Variants in ZNF804B observed in about 807,000 individuals in gnomAD.
ZNF804B encodes the protein zinc finger 804B.
In ZNF804B, 80 loss-of-function variants were observed where a neutral mutation model predicts 101.4. The observed-to-expected ratio is 0.79, with a 90% CI of 0.66 to 0.95. ZNF804B has a LOEUF of 0.95. ZNF804B is among the 40% of genes least tolerant of loss of function. The pLI is 0.00. For synonymous variants in ZNF804B, 622 were observed against 558.8 expected, an observed-to-expected ratio of 1.11 and a Z score of -1.59; for missense variants, 1,673 against 1,561.9, an observed-to-expected ratio of 1.07 and a Z score of -1.20.
Position 89,093,678 on chromosome 7 carries a change from A to G in ZNF804B, c.109-124477A>G, listed in dbSNP as rs974530377. ...AAACTCGACTCTGTCTTTGGCCAAG[A>G]AAACGTTCAATCTGCAGACTTCTAT... On this transcript the variant is annotated intron_variant, in intron 1 of 3. Transcript: ENST00000333190. Among the ~76,000 whole-genome samples, 7 of 152,372 alleles carry G rather than the reference A, an allele frequency of 4.6e-5. 1 individual carries two copies. In the South Asian group the frequency reaches 1.4e-3, roughly 32 times the overall value.
intron 1 of ZNF804B, among the ~76,000 whole-genome samples, chr7:88,853,487 C>T (rs1791474931): frequency 6.6e-6 from 1 of 152,054 alleles, no homozygotes; most frequent in Non-Finnish European, 1.5e-5. Flanking sequence ...ATGCCAGTTT[C>T]AAAGAAGTGG....
intron 1 of ZNF804B, among the ~76,000 whole-genome samples, chr7:88,843,069 T>C (rs1179542821): frequency 1.3e-5 from 2 of 152,198 alleles, no homozygotes; most frequent in South Asian, 2.1e-4. Context: ...GATTCTTCAG[T>C]AGAAGGACTG....
At chr7:88,798,320 TAA>T (rs1431738820) in intron 1 of ZNF804B, among the ~76,000 whole-genome samples, 1 of 152,100 alleles carries the variant, frequency 6.6e-6, no homozygotes, top group Non-Finnish European at 1.5e-5. Context: ...TTCATCATGA[TAA>T]ACATATAAAC....
At chr7:88,941,700 A>G (rs541534953) in intron 1 of ZNF804B, among the ~76,000 whole-genome samples, 2 of 151,990 alleles carry the variant, frequency 1.3e-5, no homozygotes, top group Non-Finnish European at 2.9e-5. Flanking sequence ...GTCATTATAC[A>G]TTCGTCAAAA....
chr7:89,295,007 C>A (rs1790358877), intron 2 of ZNF804B, among the ~76,000 whole-genome samples: 1 of 152,094 alleles, frequency 6.6e-6, no homozygotes, highest in South Asian at 2.1e-4. Flanking sequence ...TACTAGTTTT[C>A]CTCAACTGCT....
At chr7:88,853,446 A>G (rs1751752021) in intron 1 of ZNF804B, among the ~76,000 whole-genome samples, 1 of 152,150 alleles carries the variant, frequency 6.6e-6, no homozygotes, top group Non-Finnish European at 1.5e-5. Context: ...AGTTCTTGGT[A>G]AAGTTAGAAT....
chr7:89,206,224 G>A lies in ZNF804B; in HGVS notation c.109-11931G>A, dbSNP rs188425304. Among the ~76,000 whole-genome samples the A allele has an allele frequency of 1.4e-3, 218 of 152,292 alleles. 1 individual carries two copies. The highest frequency in any genetic ancestry group is 5.0e-3 in the African/African-American group (209 of 41,560). ...TAGGTCTTTGGGCCTGTGATGAGAGGGGCTGCCATGAAGGTATCTGACATG... is the reference window on the plus strand; with the variant it reads ...TAGGTCTTTGGGCCTGTGATGAGAGAGGCTGCCATGAAGGTATCTGACATG... On this transcript the variant is annotated intron_variant, in intron 1 of 3. Coordinates refer to ENST00000333190, the MANE Select transcript of ZNF804B (RefSeq NM_181646.5).
chr7:89,271,887 T>C (rs139895059), intron 2 of ZNF804B, among the ~76,000 whole-genome samples: 5,569 of 152,166 alleles, frequency 0.037, 309 homozygotes, highest in African/African-American at 0.13. Context: ...CTAATGGTAG[T>C]TTGTATTTCT....
At chr7:89,278,596 A>G (rs1790027780) in intron 2 of ZNF804B, among the ~76,000 whole-genome samples, 1 of 152,074 alleles carries the variant, frequency 6.6e-6, no homozygotes, top group Admixed American at 6.6e-5. Context: ...AGCACCATTT[A>G]TTAAATAAGG....
chr7:88,820,567 G>A (rs1790961705), intron 1 of ZNF804B, among the ~76,000 whole-genome samples: 1 of 152,168 alleles, frequency 6.6e-6, no homozygotes, highest in African/African-American at 2.4e-5. Context: ...CAGTTGTTAA[G>A]TCACTTGAAG....
At chr7:89,152,182 A>G (rs1790887697) in intron 1 of ZNF804B, among the ~76,000 whole-genome samples, 1 of 151,994 alleles carries the variant, frequency 6.6e-6, no homozygotes, top group Admixed American at 6.6e-5. Flanking sequence ...AAGTGAGATA[A>G]GAGAGCTAAG....
intron 1 of ZNF804B, among the ~76,000 whole-genome samples, chr7:88,942,405 A>G (rs1050676700): frequency 6.6e-6 from 1 of 151,914 alleles, no homozygotes; most frequent in African/African-American, 2.4e-5. Flanking sequence ...AGTTGACTTT[A>G]TATGTATAAA....
At chr7:89,166,612 A>G (rs1296971360) in intron 1 of ZNF804B, among the ~76,000 whole-genome samples, 1 of 152,196 alleles carries the variant, frequency 6.6e-6, no homozygotes, top group Non-Finnish European at 1.5e-5. Flanking sequence ...TAATATCATG[A>G]CTTTTCTCTG....
Position 89,275,226 on chromosome 7 carries a change from C to T in ZNF804B, c.250-52118C>T, listed in dbSNP as rs1204878746. Among the ~76,000 whole-genome samples, 6 of 151,952 alleles carry T rather than the reference C, an allele frequency of 3.9e-5. No homozygotes were observed. In the South Asian group the frequency reaches 1.0e-3, roughly 26 times the overall value. Reference sequence around the variant, plus strand: ...CATCTTCTCTTTTTCTTTCTCATTACACATGAAATCAGGAAAACATGTTTC... The same window carrying T: ...CATCTTCTCTTTTTCTTTCTCATTATACATGAAATCAGGAAAACATGTTTC... On this transcript the variant is annotated intron_variant, in intron 2 of 3. Coordinates refer to ENST00000333190, the MANE Select transcript of ZNF804B (RefSeq NM_181646.5).
chr7:88,791,758 T>C (rs958542695), intron 1 of ZNF804B, among the ~76,000 whole-genome samples: 5 of 152,124 alleles, frequency 3.3e-5, no homozygotes, highest in African/African-American at 1.2e-4. Flanking sequence ...TATACACGTA[T>C]ATATTATTTT....
At position 88,854,390 on chromosome 7, in the gene ZNF804B, TCTTTCTTTCTTTCTTTCTTTCTTC is replaced by T. The variant is rs1295263459; in HGVS notation, c.108+94330_108+94353del. 1.2e-4 allele frequency among the ~76,000 whole-genome samples: 17 copies of T among 140,172 alleles called. 1 individual carries two copies. The highest frequency in any genetic ancestry group is 3.4e-4 in the African/African-American group (12 of 34,872). The allele number at this position is 140,172 out of a possible 152,430, so 92.0% of individuals were successfully genotyped here. ...TGCATTTTTCTTTCTGTACTGCATT[TCTTTCTTTCTTTCTTTCTTTCTTC>T]CTTTCTTTCTTTCTTTCTTTCTTTC... On this transcript the variant is annotated intron_variant, in intron 1 of 3. Transcript: ENST00000333190.
chr7:88,909,933 T>C (rs1222197269), intron 1 of ZNF804B, among the ~76,000 whole-genome samples: 1 of 151,898 alleles, frequency 6.6e-6, no homozygotes, highest in Non-Finnish European at 1.5e-5. Context: ...TTTTGGTAAA[T>C]AATAGCCTCT....
intron 1 of ZNF804B, among the ~76,000 whole-genome samples, chr7:88,808,368 G>A (rs954979135): frequency 4.7e-5 from 7 of 148,424 alleles, no homozygotes; most frequent in Middle Eastern, 3.5e-3. Context: ...GGGGACAAGA[G>A]TGAGACATCA....
intron 2 of ZNF804B, among the ~76,000 whole-genome samples, chr7:89,220,232 C>T (rs1291375827): frequency 6.7e-6 from 1 of 149,700 alleles, no homozygotes; most frequent in African/African-American, 2.5e-5. Flanking sequence ...CAGCTTTTAT[C>T]CCTAAACGTA....
Sources: gnomAD v4.1 joint callset for allele counts (sites outside exome capture counted in the v4.1 genomes callset) on GRCh38, gnomAD v4.1.1 for gene constraint, MANE v1.5 for transcripts, NCBI Gene and HGNC (gene_info 2026-07-23, HGNC 2026-07-21) for gene names.